The following NALF1 variants were observed in gnomAD, a reference collection of about 807,000 sequenced individuals.
The protein encoded by NALF1 is family with sequence similarity 155 member A.
NALF1 carries 3 observed loss-of-function variants against 48.4 expected under a neutral mutation model. That is an observed-to-expected ratio of 0.06 (90% confidence interval 0.03 to 0.16). The LOEUF is 0.16. NALF1 is among the 10% of genes least tolerant of loss of function. The pLI is 1.00. For missense variants in NALF1, 526 were observed against 571.5 expected (o/e 0.92, Z 0.81); for synonymous variants, 262 against 245.7 (o/e 1.07, Z -0.62).
intron 1 of NALF1, among the ~76,000 whole-genome samples, chr13:107,260,538 C>T (rs1375772689): frequency 6.6e-6 from 1 of 152,144 alleles, no homozygotes; most frequent in Admixed American, 6.6e-5. Context: ...AATAAAATCC[C>T]CCACTCTGAT....
chr13:107,441,938 AC>A (rs1884566545), intron 1 of NALF1, among the ~76,000 whole-genome samples: 1 of 152,220 alleles, frequency 6.6e-6, no homozygotes, highest in African/African-American at 2.4e-5. Flanking sequence ...GACAGAGAAA[AC>A]AATATAAATA....
chr13:107,651,543 T>G (rs1046855250), intron 1 of NALF1, among the ~76,000 whole-genome samples: 2 of 152,202 alleles, frequency 1.3e-5, no homozygotes, highest in African/African-American at 4.8e-5. Flanking sequence ...AATGAAAACC[T>G]CTACTGATAC....
intron 1 of NALF1, among the ~76,000 whole-genome samples, chr13:107,449,464 C>T (rs917241537): frequency 7.2e-5 from 11 of 151,820 alleles, no homozygotes; most frequent in South Asian, 2.1e-4. Context: ...TGTATTTGGA[C>T]GACAAAAGAG....
At chr13:107,493,757 T>G (rs932617648) in intron 1 of NALF1, among the ~76,000 whole-genome samples, 3 of 152,036 alleles carry the variant, frequency 2.0e-5, no homozygotes, top group Non-Finnish European at 4.4e-5. Flanking sequence ...TGCGTGGTGG[T>G]GCATACCTGC....
rs182199167 is a variant in NALF1 at position 107,455,403 on chromosome 13, C to T, written c.916-244648G>A. Among the ~76,000 whole-genome samples, 184 of 152,154 alleles carry T rather than the reference C, an allele frequency of 1.2e-3. 2 individuals carry two copies. Among genetic ancestry groups the T allele is most frequent in the African/African-American group, 4.2e-3 (173 of 41,514 alleles). ...TTTCAGAGCATGTTTAGTTTCACAGCAAAATTGAGTGGAAAGCATAGAGTT... is the reference window on the plus strand; with the variant it reads ...TTTCAGAGCATGTTTAGTTTCACAGTAAAATTGAGTGGAAAGCATAGAGTT... On this transcript the variant is annotated intron_variant, in intron 1 of 2. Coordinates refer to ENST00000375915, the MANE Select transcript of NALF1 (RefSeq NM_001080396.3).
At chr13:107,330,340 A>G (rs1443575197) in intron 1 of NALF1, among the ~76,000 whole-genome samples, 1 of 152,200 alleles carries the variant, frequency 6.6e-6, no homozygotes, top group Non-Finnish European at 1.5e-5. Flanking sequence ...TCTCCATTAT[A>G]CGTAATATTC....
Position 107,764,486 on chromosome 13 carries a change from T to G in NALF1, c.915+101196A>C, listed in dbSNP as rs571015230. Among the ~76,000 whole-genome samples the G allele has an allele frequency of 7.2e-4, 109 of 152,246 alleles. 1 individual carries two copies. Among genetic ancestry groups the G allele is most frequent in the African/African-American group, 2.4e-3 (101 of 41,560 alleles). On this transcript the variant is annotated intron_variant, in intron 1 of 2. Coordinates refer to ENST00000375915, the MANE Select transcript of NALF1 (RefSeq NM_001080396.3). ...AGACAGAGAGAGAGAAAGGAAGACT[T>G]CGGCATGAATACACCAATATCTGGT...
intron 1 of NALF1, among the ~76,000 whole-genome samples, chr13:107,233,080 G>A (rs931064366): frequency 2.0e-5 from 3 of 151,986 alleles, no homozygotes; most frequent in Admixed American, 6.6e-5. Context: ...GTTTTGGGTT[G>A]AAGGGGAAGC....
intron 1 of NALF1, among the ~76,000 whole-genome samples, chr13:107,492,685 A>AT (rs1054845725): frequency 2.6e-5 from 4 of 152,086 alleles, no homozygotes; most frequent in East Asian, 3.9e-4. Flanking sequence ...TGTAAATAGG[A>AT]TTTTTTTAAT....
intron 1 of NALF1, among the ~76,000 whole-genome samples, chr13:107,460,867 T>C (rs2139043044): frequency 6.6e-6 from 1 of 152,336 alleles, no homozygotes; most frequent in Middle Eastern, 3.4e-3. Context: ...CATCTCTGAC[T>C]AATGGCAATG....
At chr13:107,506,221 T>G (rs1875692845) in intron 1 of NALF1, among the ~76,000 whole-genome samples, 1 of 152,110 alleles carries the variant, frequency 6.6e-6, no homozygotes, top group Admixed American at 6.6e-5. Context: ...AATTAAAGAT[T>G]TCAGTTAGTC....
chr13:107,782,798 G>C (rs1325249445), intron 1 of NALF1, among the ~76,000 whole-genome samples: 1 of 151,254 alleles, frequency 6.6e-6, no homozygotes, highest in African/African-American at 2.4e-5. Context: ...TCTGAGAAGG[G>C]AGGAGCCCCT....
intron 1 of NALF1, among the ~76,000 whole-genome samples, chr13:107,566,896 AT>A (rs1877826756): frequency 6.6e-6 from 1 of 152,160 alleles, no homozygotes; most frequent in Non-Finnish European, 1.5e-5. Flanking sequence ...CCCAACACGG[AT>A]ATATTAGTAC....
chr13:107,865,858 T>A lies in NALF1; in HGVS notation c.739A>T (p.Ser247Cys). 1 of 1,614,028 alleles carries A rather than the reference T, an allele frequency of 6.2e-7. No individual in the cohort carries two copies. Among genetic ancestry groups the A allele is most frequent in the Non-Finnish European group, 8.5e-7 (1 of 1,180,020 alleles). Reference sequence around the variant, plus strand: ...CCTTCCTTGAGCACCACATCCAGACTGCAGTTCAAAGTGTTGGGACTGGAC... The same window carrying A: ...CCTTCCTTGAGCACCACATCCAGACAGCAGTTCAAAGTGTTGGGACTGGAC... ...GLSSPNTLNC[S>C]LDVVLKEGGE... The change falls in exon 1 of 3, where the codon AGT becomes TGT. Residue 247 changes from serine to cysteine, a missense_variant. By Grantham distance (112) the Ser-to-Cys change is moderately radical. Transcript: ENST00000375915.
intron 2 of NALF1, among the ~76,000 whole-genome samples, chr13:107,187,078 C>T (rs1879190313): frequency 1.3e-5 from 2 of 152,182 alleles, no homozygotes; most frequent in African/African-American, 4.8e-5. Context: ...TGCTTCCCAT[C>T]TCTCTGATCT....
chr13:107,276,445 C>T (rs567584287), intron 1 of NALF1, among the ~76,000 whole-genome samples: 2 of 152,176 alleles, frequency 1.3e-5, no homozygotes, highest in South Asian at 2.1e-4. Flanking sequence ...GTAGTAGATG[C>T]CAATGAATCT....
chr13:107,568,018 C>T (rs184948936), intron 1 of NALF1, among the ~76,000 whole-genome samples: 2 of 152,078 alleles, frequency 1.3e-5, no homozygotes, highest in African/African-American at 4.8e-5. Flanking sequence ...TCTGCTGGGG[C>T]CCAGGTGGGA....
chr13:107,739,271 C>A (rs891044749), intron 1 of NALF1, among the ~76,000 whole-genome samples: 1 of 151,756 alleles, frequency 6.6e-6, no homozygotes, highest in Non-Finnish European at 1.5e-5. Flanking sequence ...CACATGTATA[C>A]CTGTGTAACA....
At chr13:107,808,764 G>A (rs936754656) in intron 1 of NALF1, among the ~76,000 whole-genome samples, 1 of 151,874 alleles carries the variant, frequency 6.6e-6, no homozygotes, top group Non-Finnish European at 1.5e-5. Flanking sequence ...TTTACTTCCC[G>A]ATATCTCACA....
Sources: allele counts gnomAD v4.1 joint callset (sites outside exome capture counted in the v4.1 genomes callset), GRCh38; gene constraint gnomAD v4.1.1; transcripts MANE v1.5; gene names NCBI Gene and HGNC (gene_info 2026-07-23, HGNC 2026-07-21).